The following TIAM1 variants were observed in gnomAD, a reference collection of about 807,000 sequenced individuals.
TIAM1 encodes TIAM Rac1 associated GEF 1, also known as rho guanine nucleotide exchange factor TIAM1.
TIAM1 carries 65 observed loss-of-function variants against 163.5 expected under a neutral mutation model. That is an observed-to-expected ratio of 0.40 (90% CI 0.33 to 0.49). The LOEUF (loss-of-function observed/expected upper bound fraction) is 0.49, where lower values mean the gene tolerates loss of function less well. TIAM1 is among the 20% of genes least tolerant of loss of function. TIAM1 has a pLI of 0.77. For missense variants in TIAM1, 1,789 were observed against 2,044.7 expected, an observed-to-expected ratio of 0.87 and a Z score of 2.41; for synonymous variants, 833 against 810.1, an observed-to-expected ratio of 1.03 and a Z score of -0.48.
intron 2 of TIAM1, among the ~76,000 whole-genome samples, chr21:31,333,912 C>T (rs556510048): frequency 6.6e-6 from 1 of 152,186 alleles, no homozygotes; most frequent in African/African-American, 2.4e-5. Context: ...ACCCTCCCCC[C>T]CAAAAAATTA....
intron 2 of TIAM1, among the ~76,000 whole-genome samples, chr21:31,284,378 C>T (rs2146888458): frequency 6.6e-6 from 1 of 152,298 alleles, no homozygotes; most frequent in Non-Finnish European, 1.5e-5. Context: ...ACAGAGCTGC[C>T]TCCCACTCCC....
intron 2 of TIAM1, among the ~76,000 whole-genome samples, chr21:31,462,145 G>T (rs1294624471): frequency 6.6e-6 from 1 of 152,124 alleles, no homozygotes; most frequent in African/African-American, 2.4e-5. Context: ...AAAATAAAGG[G>T]CCAAATAGTA....
chr21:31,136,187 A>C, intron 22 of TIAM1, 146 bp from the exon 23 acceptor site: 1 of 673,172 alleles, frequency 1.5e-6, no homozygotes, highest in Non-Finnish European at 2.5e-6. Flanking sequence ...ATGTGAGATA[A>C]TGCTAAGTTA....
chr21:31,425,454 G>C (rs972981822), intron 2 of TIAM1, among the ~76,000 whole-genome samples: 1 of 152,124 alleles, frequency 6.6e-6, no homozygotes, highest in African/African-American at 2.4e-5. Context: ...GTGCCAAGCA[G>C]GTTAGACAGC....
chr21:31,201,776 A>G (rs2086214916), intron 12 of TIAM1, among the ~76,000 whole-genome samples: 1 of 152,210 alleles, frequency 6.6e-6, no homozygotes, highest in Non-Finnish European at 1.5e-5. Context: ...GAGCCCCCAG[A>G]GGAATGACTA....
intron 2 of TIAM1, among the ~76,000 whole-genome samples, chr21:31,387,928 C>T (rs1055799593): frequency 1.3e-5 from 2 of 151,988 alleles, no homozygotes; most frequent in African/African-American, 2.4e-5. Context: ...GCAGGCTGCC[C>T]GAGCACGACT....
intron 25 of TIAM1, among the ~76,000 whole-genome samples, chr21:31,127,459 T>C (rs1222389700): frequency 1.3e-5 from 2 of 150,738 alleles, no homozygotes; most frequent in Non-Finnish European, 3.0e-5. Flanking sequence ...CATTCTGTCA[T>C]CCAGGCCGGA....
At position 31,220,440 on chromosome 21, in the gene TIAM1, T is replaced by C. The variant is rs77476338; in HGVS notation, c.1996-2741A>G. Among the ~76,000 whole-genome samples the C allele has an allele frequency of 2.4e-4, 37 of 152,312 alleles. 1 individual carries two copies. The highest frequency in any genetic ancestry group is 5.0e-4 in the Non-Finnish European group (34 of 68,020). On this transcript the variant is annotated intron_variant, in intron 8 of 27. Transcript: ENST00000541036. Reference sequence around the variant, plus strand: ...GTGCATCACACCAACACGGCACATGTATACATATGTAACAAACCTGCACGT... The same window carrying C: ...GTGCATCACACCAACACGGCACATGCATACATATGTAACAAACCTGCACGT...
At chr21:31,530,790 TG>T (rs2047945094) in intron 1 of TIAM1, among the ~76,000 whole-genome samples, 1 of 152,192 alleles carries the variant, frequency 6.6e-6, no homozygotes, top group Admixed American at 6.5e-5. Context: ...GCAATGTTTC[TG>T]GAAGACACTC....
intron 1 of TIAM1, among the ~76,000 whole-genome samples, chr21:31,468,711 A>G (rs1456205282): frequency 4.0e-5 from 6 of 151,436 alleles, no homozygotes; most frequent in South Asian, 2.1e-4. Flanking sequence ...GGGAGGCGGA[A>G]CTTGCAGTGA....
At chr21:31,528,971 G>C (rs2047881477) in intron 1 of TIAM1, among the ~76,000 whole-genome samples, 1 of 149,430 alleles carries the variant, frequency 6.7e-6, no homozygotes, top group Non-Finnish European at 1.5e-5. Context: ...GCCCAGGCTG[G>C]AGTGCAGTGG....
intron 2 of TIAM1, among the ~76,000 whole-genome samples, chr21:31,289,523 C>A (rs2073934183): frequency 6.6e-6 from 1 of 152,050 alleles, no homozygotes; most frequent in Non-Finnish European, 1.5e-5. Flanking sequence ...GAGCTGGACC[C>A]CAGAAAAGTG....
intron 15 of TIAM1, among the ~76,000 whole-genome samples, chr21:31,174,529 G>A (rs1330024893): frequency 6.6e-6 from 1 of 152,176 alleles, no homozygotes; most frequent in Non-Finnish European, 1.5e-5. Flanking sequence ...CCATAGGCCT[G>A]CTGTTAGCCA....
At chr21:31,295,237 A>G (rs143372891) in intron 2 of TIAM1, among the ~76,000 whole-genome samples, 8,319 of 152,174 alleles carry the variant, frequency 0.055, 307 homozygotes, top group Middle Eastern at 0.078. Flanking sequence ...TTGGGAGGCC[A>G]AGGCGGGCGG....
intron 2 of TIAM1, among the ~76,000 whole-genome samples, chr21:31,301,930 T>C (rs1341340792): frequency 6.7e-6 from 1 of 149,442 alleles, no homozygotes; most frequent in Non-Finnish European, 1.5e-5. Flanking sequence ...ATAAATAAAA[T>C]ATATATGTAA....
chr21:31,557,387 C>G (rs904586405), intron 1 of TIAM1, among the ~76,000 whole-genome samples: 3 of 152,198 alleles, frequency 2.0e-5, no homozygotes. Context: ...ATATTTCATA[C>G]GTGGCTGTCA....
intron 10 of TIAM1, among the ~76,000 whole-genome samples, chr21:31,210,582 G>C (rs989091750): frequency 8.5e-6 from 1 of 118,070 alleles, no homozygotes; most frequent in African/African-American, 4.3e-5. Flanking sequence ...AAGAAAGAAA[G>C]AAAGAAAGAA....
At chr21:31,135,295 TTACAATACAATCACA>T (rs1215527320) in intron 23 of TIAM1, among the ~76,000 whole-genome samples, 1 of 152,216 alleles carries the variant, frequency 6.6e-6, no homozygotes, top group Admixed American at 6.5e-5. Flanking sequence ...AAAAAGCATA[TTACAATACAATCACA>T]TGAGATCTCT....
At chr21:31,280,978 G>A (rs980518735) in intron 2 of TIAM1, among the ~76,000 whole-genome samples, 1 of 151,062 alleles carries the variant, frequency 6.6e-6, no homozygotes, top group Non-Finnish European at 1.5e-5. Flanking sequence ...TTAGCTGGGT[G>A]TGGTGGCGTA....
Sources: allele counts gnomAD v4.1 joint callset (sites outside exome capture counted in the v4.1 genomes callset), GRCh38; gene constraint gnomAD v4.1.1; transcripts MANE v1.5; gene names NCBI Gene and HGNC (gene_info 2026-07-23, HGNC 2026-07-21).